ASB5: variants seen among roughly 807,000 people sequenced by gnomAD.
ASB5 encodes the protein ankyrin repeat and SOCS box containing 5.
In ASB5, 45 loss-of-function variants were observed where a neutral mutation model predicts 42.1. The ratio of observed to expected loss-of-function variants is 1.07; its 90% CI spans 0.84 to 1.37. The LOEUF (loss-of-function observed/expected upper bound fraction) is 1.37, where lower values mean the gene tolerates loss of function less well. ASB5 is among the 40% of genes most tolerant of loss of function. The pLI is 0.00. For synonymous variants in ASB5, 147 were observed against 150.6 expected (o/e 0.98, Z 0.18); for missense variants, 402 against 399.8 (o/e 1.01, Z -0.05).
At chr4:176,261,368 T>C (rs993937986) in intron 1 of ASB5, among the ~76,000 whole-genome samples, 2 of 152,236 alleles carry the variant, frequency 1.3e-5, no homozygotes, top group African/African-American at 2.4e-5. Flanking sequence ...CGACCCTTTT[T>C]CATATGCTGA....
chr4:176,272,239 G>A, upstream of ASB5, among the ~76,000 whole-genome samples: 1 of 152,188 alleles, frequency 6.6e-6, no homozygotes, highest in East Asian at 1.9e-4. Context: ...AGCGTTCAAG[G>A]TAGGGTCCAG....
chr4:176,263,466 A>G (rs1230218413), intron 1 of ASB5, among the ~76,000 whole-genome samples: 1 of 152,174 alleles, frequency 6.6e-6, no homozygotes, highest in Non-Finnish European at 1.5e-5. Context: ...GCATTTCTGA[A>G]AAAGTAGAGC....
chr4:176,219,269 ATT>A (rs1322707160), intron 5 of ASB5, among the ~76,000 whole-genome samples: 15 of 114,296 alleles, frequency 1.3e-4, no homozygotes, highest in Admixed American at 4.6e-4. Flanking sequence ...ATAAATATAT[ATT>A]TGTATGATAT....
At chr4:176,226,359 T>A (rs1753378634) in intron 1 of ASB5, among the ~76,000 whole-genome samples, 1 of 152,168 alleles carries the variant, frequency 6.6e-6, no homozygotes, top group Admixed American at 6.5e-5. Context: ...AGTGGTCCCC[T>A]GGATTCTCAG....
At chr4:176,275,567 C>T (rs924446102) in intron 2 of ASB5, among the ~76,000 whole-genome samples, 1 of 152,216 alleles carries the variant, frequency 6.6e-6, no homozygotes, top group Non-Finnish European at 1.5e-5. Context: ...ACTTAGTACT[C>T]TTCCTGCTTC....
At chr4:176,244,160 T>C (rs149609740) in intron 1 of ASB5, among the ~76,000 whole-genome samples, 7 of 152,330 alleles carry the variant, frequency 4.6e-5, no homozygotes, top group Non-Finnish European at 1.0e-4. Flanking sequence ...TTCTCGCTTC[T>C]ACTCTGAATG....
chr4:176,221,381 A>G (rs990699062), intron 4 of ASB5, 69 bp downstream of exon 4: 1 of 1,597,858 alleles, frequency 6.3e-7, no homozygotes. Context: ...TCATTGAAAG[A>G]TCAACAGAGC....
chr4:176,243,319 T>C (rs1314759059), intron 1 of ASB5, among the ~76,000 whole-genome samples: 1 of 152,228 alleles, frequency 6.6e-6, no homozygotes, highest in African/African-American at 2.4e-5. Context: ...AATGAAGATG[T>C]CTGTCTGCAT....
intron 1 of ASB5, among the ~76,000 whole-genome samples, chr4:176,259,334 T>A (rs1040102294): frequency 7.2e-5 from 11 of 152,320 alleles, no homozygotes; most frequent in Non-Finnish European, 2.9e-5. Flanking sequence ...ATCATTTCAT[T>A]CTAAAAATGA....
chr4:176,273,286 A>G (rs1204696752), upstream of ASB5, among the ~76,000 whole-genome samples: 1 of 152,220 alleles, frequency 6.6e-6, no homozygotes, highest in Non-Finnish European at 1.5e-5. Flanking sequence ...TTATTTGTAT[A>G]CAGTGAATAC....
chr4:176,227,902 T>C (rs978810648), intron 1 of ASB5, among the ~76,000 whole-genome samples: 2 of 152,154 alleles, frequency 1.3e-5, no homozygotes, highest in Non-Finnish European at 2.9e-5. Flanking sequence ...ACTGTATTTT[T>C]CCTTCTAACA....
At position 176,215,745 on chromosome 4, in the gene ASB5, T is replaced by A; in HGVS notation, c.863-18A>T. 6.3e-7 allele frequency: 1 copy of A among 1,593,808 alleles called. No individual in the cohort carries two copies. The highest frequency in any genetic ancestry group is 8.5e-7 in the Non-Finnish European group (1 of 1,171,758). Reference sequence around the variant, plus strand: ...TGGGGTAGCTACAAGAAGACATGAATCTATTTGTTAATTAAAATAGAAATG... The same window carrying A: ...TGGGGTAGCTACAAGAAGACATGAAACTATTTGTTAATTAAAATAGAAATG... On this transcript the variant is annotated intron_variant, in intron 6 of 6. Transcript: ENST00000296525.
chr4:176,215,579 A>G lies in ASB5; in HGVS notation c.*21T>C. The G allele has an allele frequency of 6.2e-7, 1 of 1,601,030 alleles. No individual in the cohort carries two copies. Among genetic ancestry groups the G allele is most frequent in the Non-Finnish European group, 8.5e-7 (1 of 1,173,612 alleles). On this transcript the variant is annotated 3_prime_UTR_variant, in exon 7 of 7. Transcript: ENST00000296525. The stretch of plus-strand genomic sequence containing the variant: ...AAATAGAAATTTTGATTTTCAAGGT[A>G]TTTAGAATTACTTTACTGTTTTATC...
chr4:176,234,891 G>A (rs1436945176), intron 1 of ASB5, among the ~76,000 whole-genome samples: 3 of 152,156 alleles, frequency 2.0e-5, no homozygotes, highest in African/African-American at 7.2e-5. Context: ...GACATGAGAA[G>A]TGTCTAACAC....
chr4:176,256,897 A>G (rs548684418), intron 1 of ASB5, among the ~76,000 whole-genome samples: 1 of 152,216 alleles, frequency 6.6e-6, no homozygotes, highest in African/African-American at 2.4e-5. Context: ...ATATCGCACC[A>G]CTGCACTCCA....
At chr4:176,275,656 C>CG (rs1310266055) in intron 2 of ASB5, 1 of 152,220 alleles carries the variant, frequency 6.6e-6, no homozygotes, top group African/African-American at 2.4e-5. Context: ...CTGCAGGAGT[C>CG]ACTCTGGTGA....
At chr4:176,252,272 T>C (rs1170818747) in intron 1 of ASB5, among the ~76,000 whole-genome samples, 2 of 152,162 alleles carry the variant, frequency 1.3e-5, no homozygotes, top group East Asian at 3.8e-4. Context: ...ATTTTCTGTC[T>C]TCACTTGTTG....
intron 5 of ASB5, 152 bp downstream of exon 5, chr4:176,221,003 T>G: frequency 9.8e-7 from 1 of 1,022,276 alleles, no homozygotes; most frequent in Non-Finnish European, 1.3e-6. Flanking sequence ...AGAATGAGGT[T>G]CTTTTTTATT....
At chr4:176,221,343 T>C in intron 4 of ASB5, 54 bp from the exon 5 acceptor site, 1 of 1,603,354 alleles carries the variant, frequency 6.2e-7, no homozygotes, top group Non-Finnish European at 8.5e-7. Context: ...CCCACACACC[T>C]CACCCCAGGC....
Sources: gnomAD v4.1 joint callset for allele counts (sites outside exome capture counted in the v4.1 genomes callset) on GRCh38, gnomAD v4.1.1 for gene constraint, MANE v1.5 for transcripts, NCBI Gene and HGNC (gene_info 2026-07-23, HGNC 2026-07-21) for gene names.